Variants in ASIC2 observed in about 807,000 individuals in gnomAD.
ASIC2 encodes the protein acid-sensing ion channel 2.
Under a neutral mutation model 57.3 loss-of-function variants are expected in ASIC2, and 25 were observed. The ratio of observed to expected loss-of-function variants is 0.44; its 90% CI spans 0.32 to 0.61. The LOEUF is 0.61. Among genes scored for constraint, ASIC2 ranks in the 20% least tolerant of loss-of-function variants. The pLI, the probability that ASIC2 is intolerant of heterozygous loss-of-function variation, is 0.06. For synonymous variants in ASIC2, 319 were observed against 307.5 expected (o/e 1.04, Z -0.39); for missense variants, 641 against 738.1 (o/e 0.87, Z 1.52).
In ASIC2 at chr17:33,590,124, G is replaced by A. The variant is rs150847132; in HGVS notation, c.556-478057C>T. Among the ~76,000 whole-genome samples, 1,308 of 152,232 alleles carry A rather than the reference G, an allele frequency of 8.6e-3. 18 individuals are homozygous for A. Among genetic ancestry groups the A allele is most frequent in the African/African-American group, 0.029 (1,203 of 41,514 alleles). On this transcript the variant is annotated intron_variant, in intron 1 of 9. Coordinates refer to the ASIC2 transcript ENST00000359872. Reference sequence around the variant, plus strand: ...GAAGTGCGACTCTGGGTTCATTCAGGAAAAGAGGGTGGATCATGGTACCCT... The same window carrying A: ...GAAGTGCGACTCTGGGTTCATTCAGAAAAAGAGGGTGGATCATGGTACCCT...
intron 1 of ASIC2, among the ~76,000 whole-genome samples, chr17:34,031,849 T>A (rs12451609): frequency 0.2 from 29,707 of 152,086 alleles, 3,952 homozygotes; most frequent in African/African-American, 0.37. Context: ...CCTCCAAGAC[T>A]TATGGCAGTA....
intron 1 of ASIC2, among the ~76,000 whole-genome samples, chr17:33,246,822 G>C (rs1337704451): frequency 6.6e-6 from 1 of 152,174 alleles, no homozygotes; most frequent in African/African-American, 2.4e-5. Context: ...TTAGGGACTT[G>C]CTCAAGCTCA....
chr17:33,933,581 G>A (rs1434007341), intron 1 of ASIC2, among the ~76,000 whole-genome samples: 1 of 152,192 alleles, frequency 6.6e-6, no homozygotes. Flanking sequence ...TGGGTGACCT[G>A]GGAAGTCACC....
intron 1 of ASIC2, among the ~76,000 whole-genome samples, chr17:33,337,995 A>G (rs1367464922): frequency 6.6e-6 from 1 of 151,794 alleles, no homozygotes; most frequent in Non-Finnish European, 1.5e-5. Flanking sequence ...GTGTTCTGGA[A>G]GGGCAAAGAA....
intron 1 of ASIC2, among the ~76,000 whole-genome samples, chr17:33,603,707 A>C (rs766338314): frequency 2.0e-5 from 3 of 152,216 alleles, no homozygotes; most frequent in Non-Finnish European, 2.9e-5. Context: ...TATATGAGTT[A>C]CATATTAGTT....
At chr17:33,538,929 A>C (rs16968531) in intron 1 of ASIC2, among the ~76,000 whole-genome samples, 1,999 of 152,290 alleles carry the variant, frequency 0.013, 41 homozygotes, top group African/African-American at 0.045. Flanking sequence ...AGTGCATTTT[A>C]GCCCATAAAA....
chr17:33,398,574 G>GTGATGGTGGTGGTGATGATGA (rs1910165412), intron 1 of ASIC2, among the ~76,000 whole-genome samples: 12 of 152,068 alleles, frequency 7.9e-5, no homozygotes, highest in Admixed American at 2.6e-4. Context: ...AGTGATGATA[G>GTGATGGTGGTGGTGATGATGA]TGATGGTGGT....
intron 1 of ASIC2, among the ~76,000 whole-genome samples, chr17:33,652,796 T>C (rs1489118357): frequency 1.3e-5 from 2 of 152,232 alleles, no homozygotes; most frequent in African/African-American, 2.4e-5. Flanking sequence ...TTTGCATGTG[T>C]GCCTCTGTTT....
chr17:33,690,990 C>T (rs979618593), intron 1 of ASIC2, among the ~76,000 whole-genome samples: 5 of 152,156 alleles, frequency 3.3e-5, no homozygotes, highest in Admixed American at 2.0e-4. Flanking sequence ...ACCTCGTGAT[C>T]TGCCCATCTC....
intron 1 of ASIC2, among the ~76,000 whole-genome samples, chr17:33,205,187 T>A (rs1453336156): frequency 6.6e-6 from 1 of 152,214 alleles, no homozygotes; most frequent in African/African-American, 2.4e-5. Context: ...AAAGAGAGCC[T>A]GGCCCCACAG....
chr17:33,353,492 C>T (rs1221269963), intron 1 of ASIC2, among the ~76,000 whole-genome samples: 1 of 152,116 alleles, frequency 6.6e-6, no homozygotes, highest in South Asian at 2.1e-4. Flanking sequence ...TGCCACTGCA[C>T]CTGGCTAATA....
chr17:33,846,391 G>C (rs1309233546), intron 1 of ASIC2, among the ~76,000 whole-genome samples: 2 of 152,148 alleles, frequency 1.3e-5, no homozygotes, highest in African/African-American at 4.8e-5. Flanking sequence ...GGTTTGACAT[G>C]CTGAGTTATT....
chr17:33,689,202 T>G (rs1908288512), intron 1 of ASIC2: 1 of 152,196 alleles, frequency 6.6e-6, no homozygotes, highest in Admixed American at 6.5e-5. Flanking sequence ...TTTTCCCCCT[T>G]AGATAATGGA....
intron 1 of ASIC2, among the ~76,000 whole-genome samples, chr17:33,702,957 T>C (rs1259098956): frequency 6.6e-6 from 1 of 152,108 alleles, no homozygotes; most frequent in Non-Finnish European, 1.5e-5. Flanking sequence ...CTAAGTTCCA[T>C]GGAGAAAATA....
At chr17:33,412,306 C>T (rs947434901) in intron 1 of ASIC2, among the ~76,000 whole-genome samples, 4 of 152,178 alleles carry the variant, frequency 2.6e-5, no homozygotes, top group Admixed American at 2.6e-4. Context: ...CTGTTGATCA[C>T]CAGGATGTCA....
intron 1 of ASIC2, among the ~76,000 whole-genome samples, chr17:33,389,774 T>C (rs955816218): frequency 1.3e-5 from 2 of 152,242 alleles, no homozygotes; most frequent in African/African-American, 4.8e-5. Context: ...CTGAAAATCC[T>C]GAGATACTTG....
At chr17:33,872,190 T>C (rs1372569101) in intron 1 of ASIC2, among the ~76,000 whole-genome samples, 1 of 152,050 alleles carries the variant, frequency 6.6e-6, no homozygotes, top group Non-Finnish European at 1.5e-5. Flanking sequence ...GGTCCCCCTT[T>C]AAGCCCAGCC....
Position 33,665,962 on chromosome 17 carries a change from G to A in ASIC2, c.555+490016C>T, listed in dbSNP as rs192626401. Among the ~76,000 whole-genome samples the A allele has an allele frequency of 4.0e-3, 616 of 152,188 alleles. 3 individuals carry two copies. The highest frequency in any genetic ancestry group is 6.5e-3 in the Non-Finnish European group (439 of 68,008). ...GTGCGTGCGACTATGTATTTCTTGG[G>A]AAATACATAGGATTACATACAGTAA... On this transcript the variant is annotated intron_variant, in intron 1 of 9. Coordinates refer to the ASIC2 transcript ENST00000359872.
chr17:33,290,496 A>G (rs747660444), intron 1 of ASIC2, among the ~76,000 whole-genome samples: 17 of 152,382 alleles, frequency 1.1e-4, no homozygotes, highest in South Asian at 4.1e-4. Flanking sequence ...TGCACAAGGC[A>G]GATACCTTCT....
Sources: allele counts gnomAD v4.1 joint callset (sites outside exome capture counted in the v4.1 genomes callset), GRCh38; gene constraint gnomAD v4.1.1; transcripts MANE v1.5; gene names NCBI Gene and HGNC (gene_info 2026-07-23, HGNC 2026-07-21).